Variants in IFRD1 observed in about 807,000 individuals in gnomAD.
The protein encoded by IFRD1 is interferon related developmental regulator 1.
In IFRD1, 35 loss-of-function variants were observed where a neutral mutation model predicts 52.9. The ratio of observed to expected loss-of-function variants is 0.66; its 90% CI spans 0.51 to 0.88. The LOEUF (loss-of-function observed/expected upper bound fraction) is 0.88. Ranked by LOEUF, IFRD1 falls within the 40% of genes least tolerant of loss-of-function variation. IFRD1 has a pLI of 0.00. For missense variants in IFRD1, 517 were observed against 550.8 expected (o/e 0.94, Z 0.61); for synonymous variants, 184 against 188.4 (o/e 0.98, Z 0.19).
intron 1 of IFRD1, among the ~76,000 whole-genome samples, chr7:112,439,427 G>C (rs1166815610): frequency 1.3e-5 from 2 of 152,166 alleles, no homozygotes; most frequent in East Asian, 3.8e-4. Flanking sequence ...AGTATCAGTT[G>C]AGATGCTTTC....
chr7:112,431,634 T>C (rs1794549908), intron 1 of IFRD1, among the ~76,000 whole-genome samples: 1 of 152,218 alleles, frequency 6.6e-6, no homozygotes, highest in African/African-American at 2.4e-5. Flanking sequence ...GAAACTCCCT[T>C]GTCCCAACCT....
rs1255476952 is a variant in IFRD1 at position 112,477,114 on chromosome 7, T to TA, written c.*1596dup. 6.6e-6 allele frequency: 1 copy of TA among 152,192 alleles called. No homozygotes were observed. Among genetic ancestry groups the TA allele is most frequent in the Non-Finnish European group, 1.5e-5 (1 of 68,040 alleles). The allele number at this position is 152,192 out of a possible 1,614,324, so 9.4% of individuals were successfully genotyped here. On this transcript the variant is annotated 3_prime_UTR_variant, in exon 12 of 12. Transcript: ENST00000403825. ...ACCATGGAAAAGAGATTGCAAATGG[T>TA]AGTTTCTTCTAGATATTCAAATGCA... is the stretch of plus-strand genomic sequence containing the variant.
At chr7:112,471,016 C>T (rs969303571) in intron 9 of IFRD1, among the ~76,000 whole-genome samples, 2 of 152,016 alleles carry the variant, frequency 1.3e-5, no homozygotes, top group Admixed American at 1.3e-4. Flanking sequence ...CTGTTACCAA[C>T]AGGAAAGAGG....
chr7:112,450,802 C>T lies in IFRD1; in HGVS notation c.94+20C>T, dbSNP rs199689312. ...CAGCAGGTAAGGGGTATCCCCGCCG[C>T]CGGCATCCCAGTTGCCGGCCAGGCT... is the stretch of plus-strand genomic sequence containing the variant. On this transcript the variant is annotated intron_variant, in intron 1 of 11. Transcript: ENST00000403825. 2.0e-5 allele frequency: 31 copies of T among 1,578,466 alleles called. No individual in the cohort carries two copies. The highest frequency in any genetic ancestry group is 1.3e-4 in the Admixed American group (8 of 59,714).
rs766264707 is a variant in IFRD1 at position 112,455,838 on chromosome 7, A to G, written c.170A>G (p.Tyr57Cys). The change falls in exon 2 of 12, where the codon TAT becomes TGT. Residue 57 changes from tyrosine to cysteine, a missense_variant. Coordinates refer to ENST00000403825, the MANE Select transcript of IFRD1 (RefSeq NM_001550.4). ...SIETMSHCSG[Y>C]SDPSSFAEDG... ...GAAACAATGAGCCATTGCAGTGGTT[A>G]TAGCGATCCTTCCAGTTTTGCTGAA... is the stretch of plus-strand genomic sequence containing the variant. 2.6e-5 allele frequency: 42 copies of G among 1,612,128 alleles called. No homozygotes were observed. Among genetic ancestry groups the G allele is most frequent in the Non-Finnish European group, 3.4e-5 (40 of 1,178,176 alleles).
rs774795399 is a variant in IFRD1 at position 112,476,968 on chromosome 7, G to A, written c.*1449G>A. On this transcript the variant is annotated 3_prime_UTR_variant, in exon 12 of 12. Transcript: ENST00000403825. ...TGCTCCCTCTAGGTGAAAATCATTT[G>A]CTGGCTTATGGAGTCACTGTTGCTG... is the stretch of plus-strand genomic sequence containing the variant. 1.3e-5 allele frequency: 2 copies of A among 152,056 alleles called. No individual in the cohort carries two copies. Among genetic ancestry groups the A allele is most frequent in the Non-Finnish European group, 1.5e-5 (1 of 68,006 alleles). 9.4% of individuals were successfully genotyped at this position (152,056 alleles called of 1,614,324 possible).
At chr7:112,452,889 T>C (rs10500007) in intron 1 of IFRD1, among the ~76,000 whole-genome samples, 24,891 of 152,230 alleles carry the variant, frequency 0.16, 2,196 homozygotes, top group South Asian at 0.3. Flanking sequence ...TCTTTGGAAG[T>C]GTGTGCTAGA....
chr7:112,428,332 T>TA (rs765365941), intron 1 of IFRD1, among the ~76,000 whole-genome samples: 2 of 152,264 alleles, frequency 1.3e-5, no homozygotes, highest in South Asian at 2.1e-4. Flanking sequence ...TACCCATAGA[T>TA]AGAGTATTCT....
chr7:112,455,956 T>A, intron 2 of IFRD1, 46 bp from the exon 3 acceptor site: 1 of 1,463,328 alleles, frequency 6.8e-7, no homozygotes, highest in East Asian at 2.3e-5. Flanking sequence ...TTATTCCCTG[T>A]TTTTTTTCTT....
At chr7:112,471,921 CTTTT>C (rs1308746662) in intron 9 of IFRD1, among the ~76,000 whole-genome samples, 1 of 152,096 alleles carries the variant, frequency 6.6e-6, no homozygotes, top group South Asian at 2.1e-4. Flanking sequence ...AAACACCTGA[CTTTT>C]TTTAAGTTTG....
intron 1 of IFRD1, among the ~76,000 whole-genome samples, chr7:112,427,130 T>C (rs1584461004): frequency 1.3e-5 from 2 of 152,330 alleles, no homozygotes; most frequent in South Asian, 4.1e-4. Context: ...ACTTTTGGTT[T>C]ACAATCAAAA....
intron 11 of IFRD1, among the ~76,000 whole-genome samples, chr7:112,473,072 ATG>A: frequency 6.9e-6 from 1 of 144,660 alleles, no homozygotes; most frequent in East Asian, 2.0e-4. Context: ...GTGTGTATAT[ATG>A]TGTCAGCCTG....
At chr7:112,451,600 T>C (rs1488790416) in intron 1 of IFRD1, among the ~76,000 whole-genome samples, 2 of 152,162 alleles carry the variant, frequency 1.3e-5, no homozygotes, top group Admixed American at 6.5e-5. Flanking sequence ...CGCTACGAAG[T>C]TGAAACTTTT....
rs756906927 is a variant in IFRD1 at position 112,450,730 on chromosome 7, C to G, written c.42C>G (p.Ser14Arg). 1.2e-5 allele frequency: 20 copies of G among 1,612,794 alleles called. No individual in the cohort carries two copies. Among genetic ancestry groups the G allele is most frequent in the Non-Finnish European group, 1.6e-5 (19 of 1,179,906 alleles). Reference sequence around the variant, plus strand: ...AGCGGAACACTCCCCACCGCGGTAGCAGTGCTGGCGGCGGCGGGTCAGGAG... The same window carrying G: ...AGCGGAACACTCCCCACCGCGGTAGGAGTGCTGGCGGCGGCGGGTCAGGAG... Reference protein sequence around the residue: ...NKKRNTPHRGSSAGGGGSGAA... With the variant: ...NKKRNTPHRGRSAGGGGSGAA... Residue 14 changes from serine to arginine, a missense_variant, in exon 1 of 12, where the codon AGC becomes AGG. By Grantham distance (110) the Ser-to-Arg change is moderately radical. Transcript: ENST00000403825.
intron 8 of IFRD1, among the ~76,000 whole-genome samples, chr7:112,464,086 G>A (rs1351441324): frequency 1.3e-5 from 2 of 149,956 alleles, no homozygotes; most frequent in Non-Finnish European, 3.0e-5. Flanking sequence ...GTGCTGGTTG[G>A]GGGATAGTTA....
chr7:112,458,974 A>C lies in IFRD1; in HGVS notation c.523A>C (p.Lys175Gln). ...ILKTLGPILK[K>Q]IICDGSASMQ... ...GAAAACTCTTGGACCAATCCTAAAGAAAATCATTTGTGATGGGTCAGCTAG... is the reference window on the plus strand; with the variant it reads ...GAAAACTCTTGGACCAATCCTAAAGCAAATCATTTGTGATGGGTCAGCTAG... The change falls in exon 5 of 12, where the codon AAA becomes CAA. Residue 175 changes from lysine (K) to glutamine (Q), a missense_variant. By Grantham distance (53) the Lys-to-Gln change is moderately conservative. Coordinates refer to ENST00000403825, the MANE Select transcript of IFRD1 (RefSeq NM_001550.4). The C allele has an allele frequency of 1.2e-6, 2 of 1,613,998 alleles. No homozygotes were observed. Among genetic ancestry groups the C allele is most frequent in the Non-Finnish European group, 1.7e-6 (2 of 1,179,888 alleles).
At chr7:112,455,923 A>T (rs1795280529) in intron 2 of IFRD1, 56 bp downstream of exon 2, 1 of 1,461,668 alleles carries the variant, frequency 6.8e-7, no homozygotes. Flanking sequence ...AGGTGGAGGA[A>T]TTCTTGTAGC....
Position 112,475,662 on chromosome 7 carries a change from A to G in IFRD1, c.*143A>G, listed in dbSNP as rs1795883640. The stretch of plus-strand genomic sequence containing the variant: ...TATATTGCTTATAATTTAATGTACA[A>G]TACTATTGAAACTGGTGAGTTCTGA... On this transcript the variant is annotated 3_prime_UTR_variant, in exon 12 of 12. Coordinates refer to ENST00000403825, the MANE Select transcript of IFRD1 (RefSeq NM_001550.4). 4.8e-6 allele frequency: 3 copies of G among 630,128 alleles called. No individual in the cohort carries two copies. Among genetic ancestry groups the G allele is most frequent in the South Asian group, 1.9e-5 (1 of 53,310 alleles). The allele number at this position is 630,128 out of a possible 1,614,324, so 39.0% of individuals were successfully genotyped here.
intron 9 of IFRD1, among the ~76,000 whole-genome samples, chr7:112,471,675 T>C (rs1795751390): frequency 6.6e-6 from 1 of 152,184 alleles, no homozygotes; most frequent in South Asian, 2.1e-4. Flanking sequence ...AATTGTTTCA[T>C]CACTAAAATC....
Sources: gnomAD v4.1 joint callset for allele counts (sites outside exome capture counted in the v4.1 genomes callset) on GRCh38, gnomAD v4.1.1 for gene constraint, MANE v1.5 for transcripts, NCBI Gene and HGNC (gene_info 2026-07-23, HGNC 2026-07-21) for gene names.